The following SFMBT1 variants were observed in gnomAD, a reference collection of about 807,000 sequenced individuals.
The protein encoded by SFMBT1 is Scm like with four mbt domains 1.
Under a neutral mutation model 108.7 loss-of-function variants are expected in SFMBT1, and 32 were observed. The observed-to-expected ratio is 0.29, with a 90% confidence interval of 0.22 to 0.40. The LOEUF (loss-of-function observed/expected upper bound fraction) is 0.40, where lower values mean the gene tolerates loss of function less well. Ranked by LOEUF, SFMBT1 falls within the 10% of genes least tolerant of loss-of-function variation. SFMBT1 has a pLI of 1.00. For synonymous variants in SFMBT1, 348 were observed against 369.5 expected (o/e 0.94, Z 0.67); for missense variants, 816 against 1,059.6 (o/e 0.77, Z 3.19).
rs10668462 is a variant in SFMBT1 at position 53,030,683 on chromosome 3, CA to C, written c.-131+15132del. The stretch of plus-strand genomic sequence containing the variant: ...CAGTAACTTTCAACTGGCCATAATG[CA>C]AAAAAAAAAAAAAAAAAAAAAATCT... On this transcript the variant is annotated intron_variant, in intron 1 of 20. Coordinates refer to ENST00000394752, the MANE Select transcript of SFMBT1 (RefSeq NM_016329.4). Among the ~76,000 whole-genome samples, 287 of 82,750 alleles carry C rather than the reference CA, an allele frequency of 3.5e-3. 1 individual carries two copies. The highest frequency in any genetic ancestry group is 0.022 in the East Asian group (52 of 2,372). The allele number at this position is 82,750 out of a possible 152,430, so 54.3% of individuals were successfully genotyped here. A position where few individuals can be genotyped will look rare whatever the true frequency, so the allele number is the denominator to read the frequency against.
At chr3:53,036,953 G>A (rs1699887546) in intron 1 of SFMBT1, among the ~76,000 whole-genome samples, 1 of 152,160 alleles carries the variant, frequency 6.6e-6, no homozygotes, top group Admixed American at 6.5e-5. Flanking sequence ...ATGGGGCTGG[G>A]ACTCTGGGAG....
At chr3:52,914,646 A>C (rs973100072) in intron 14 of SFMBT1, among the ~76,000 whole-genome samples, 1 of 152,196 alleles carries the variant, frequency 6.6e-6, no homozygotes, top group Non-Finnish European at 1.5e-5. Flanking sequence ...CGGGAGGCTG[A>C]TGTAGGAGGA....
chr3:52,918,517 T>C lies in SFMBT1; in HGVS notation c.1382A>G (p.Gln461Arg). Residue 461 changes from glutamine to arginine, a missense_variant, in exon 13 of 21, where the codon CAG (glutamine) becomes CGG (arginine). Coordinates refer to ENST00000394752, the MANE Select transcript of SFMBT1 (RefSeq NM_016329.4). ...TGGCTGAACCACTGCAATTTTCCTC[T>C]GTTTATATACTGTAGAAAGAAAAAA... ...STPRRARVYK[Q>R]RKIAVVQPEK... is the part of the protein sequence containing the mutation. 1 of 1,561,910 alleles carries C rather than the reference T, an allele frequency of 6.4e-7. No homozygotes were observed. Among genetic ancestry groups the C allele is most frequent in the South Asian group, 1.2e-5 (1 of 81,656 alleles).
At position 53,001,184 on chromosome 3, in the gene SFMBT1, G is replaced by A. The variant is rs1341856483; in HGVS notation, c.-130-31926C>T. Reference sequence around the variant, plus strand: ...TAATAATATCAACATGGGAGGGAAGGTTCTACACTACATAAACAAGTACAC... The same window carrying A: ...TAATAATATCAACATGGGAGGGAAGATTCTACACTACATAAACAAGTACAC... On this transcript the variant is annotated intron_variant, in intron 1 of 20. Coordinates refer to ENST00000394752, the MANE Select transcript of SFMBT1 (RefSeq NM_016329.4). Among the ~76,000 whole-genome samples the A allele has an allele frequency of 1.3e-5, 2 of 150,226 alleles. 1 individual carries two copies. The highest frequency in any genetic ancestry group is 3.0e-5 in the Non-Finnish European group (2 of 67,036).
intron 1 of SFMBT1, among the ~76,000 whole-genome samples, chr3:52,984,809 A>T (rs2106884512): frequency 6.7e-6 from 1 of 150,368 alleles, no homozygotes; most frequent in East Asian, 2.0e-4. Flanking sequence ...ATGAGTTTGG[A>T]AATATCAGGC....
Position 52,924,506 on chromosome 3 carries a change from G to T in SFMBT1, c.1131+1525C>A, listed in dbSNP as rs1348215173. Among the ~76,000 whole-genome samples, 4 of 152,094 alleles carry T rather than the reference G, an allele frequency of 2.6e-5. No homozygotes were observed. In the East Asian group the frequency reaches 5.8e-4, roughly 22 times the overall value. ...AAAATACAAAAATTAGCCAGGCATG[G>T]TGGCGGGCGCCTATAATTCCAGCTA... On this transcript the variant is annotated intron_variant, in intron 10 of 20. Transcript: ENST00000394752.
rs59842273 is a variant in SFMBT1 at position 52,949,568 on chromosome 3, CTTTTTTTT to C, written c.123+4741_123+4748del. Reference sequence around the variant, plus strand: ...CCCTTTATTATTATGTAATGTCCTTCTTTTTTTTTTTTTTTTTTTTTTTTTTTGAGACC... The same window carrying C: ...CCCTTTATTATTATGTAATGTCCTTCTTTTTTTTTTTTTTTTTTTGAGACC... On this transcript the variant is annotated intron_variant, in intron 3 of 20. Transcript: ENST00000394752. Among the ~76,000 whole-genome samples, 211 of 77,422 alleles carry C rather than the reference CTTTTTTTT, an allele frequency of 2.7e-3. 1 individual carries two copies. The highest frequency in any genetic ancestry group is 0.011 in the African/African-American group (186 of 17,562). The allele number at this position is 77,422 out of a possible 152,430, so 50.8% of individuals were successfully genotyped here.
At chr3:53,045,410 G>T (rs1385891847) in intron 1 of SFMBT1, 1 of 142,966 alleles carries the variant, frequency 7.0e-6, no homozygotes, top group African/African-American at 2.5e-5. Context: ...GGCCCGGCGC[G>T]CCGGGGAACT....
At chr3:52,978,432 C>T (rs1018539729) in intron 1 of SFMBT1, among the ~76,000 whole-genome samples, 7 of 152,028 alleles carry the variant, frequency 4.6e-5, no homozygotes, top group Admixed American at 2.6e-4. Flanking sequence ...CTGTGAGTAC[C>T]CCCCACCTAC....
At chr3:53,026,867 C>G (rs1179213744) in intron 1 of SFMBT1, among the ~76,000 whole-genome samples, 3 of 152,132 alleles carry the variant, frequency 2.0e-5, no homozygotes, top group African/African-American at 7.2e-5. Flanking sequence ...ATGGTGCAAT[C>G]ACGGCTTACT....
At chr3:52,986,705 G>A (rs1704927969) in intron 1 of SFMBT1, among the ~76,000 whole-genome samples, 1 of 151,402 alleles carries the variant, frequency 6.6e-6, no homozygotes, top group African/African-American at 2.4e-5. Flanking sequence ...TAACCTGGGA[G>A]GTGGAGGTTG....
At chr3:53,025,281 A>G (rs1262988048) in intron 1 of SFMBT1, among the ~76,000 whole-genome samples, 1 of 152,204 alleles carries the variant, frequency 6.6e-6, no homozygotes, top group East Asian at 1.9e-4. Context: ...AAGCCCAGAT[A>G]TATAAATGAA....
At chr3:52,920,262 T>C (rs1042227640) in intron 12 of SFMBT1, among the ~76,000 whole-genome samples, 8 of 152,336 alleles carry the variant, frequency 5.3e-5, no homozygotes, top group Middle Eastern at 3.4e-3. Flanking sequence ...CCTCCCCACG[T>C]TGAGCCTTGA....
At chr3:52,956,448 G>A (rs951978639) in intron 2 of SFMBT1, among the ~76,000 whole-genome samples, 1 of 151,182 alleles carries the variant, frequency 6.6e-6, no homozygotes, top group African/African-American at 2.4e-5. Context: ...GATGGAGCGA[G>A]GCACTGTCTC....
intron 3 of SFMBT1, among the ~76,000 whole-genome samples, chr3:52,950,769 C>T (rs576757160): frequency 2.0e-5 from 3 of 152,104 alleles, no homozygotes; most frequent in African/African-American, 4.8e-5. Context: ...CCACCGTGCC[C>T]GGCTGCTGTC....
At chr3:52,999,104 G>T (rs1324055925) in intron 1 of SFMBT1, among the ~76,000 whole-genome samples, 2 of 150,868 alleles carry the variant, frequency 1.3e-5, no homozygotes, top group Non-Finnish European at 3.0e-5. Context: ...GCCGGCGTCT[G>T]CTGATCAAGG....
intron 14 of SFMBT1, among the ~76,000 whole-genome samples, chr3:52,914,183 G>A (rs993358282): frequency 1.3e-5 from 2 of 152,094 alleles, no homozygotes; most frequent in African/African-American, 4.8e-5. Flanking sequence ...ACTGGGTCTG[G>A]AGACCCTTTT....
chr3:52,943,615 A>G, intron 3 of SFMBT1, 22 bp from the exon 4 acceptor site: 5 of 1,614,246 alleles, frequency 3.1e-6, no homozygotes, highest in Non-Finnish European at 4.2e-6. Flanking sequence ...AATGTTATTA[A>G]GCACCAGACA....
intron 4 of SFMBT1, among the ~76,000 whole-genome samples, chr3:52,939,947 A>T (rs1703130938): frequency 1.3e-5 from 2 of 150,832 alleles, no homozygotes; most frequent in East Asian, 1.9e-4. Context: ...TTTATTTATA[A>T]TTTTTTTCAC....
Sources: gnomAD v4.1 joint callset for allele counts (sites outside exome capture counted in the v4.1 genomes callset) on GRCh38, gnomAD v4.1.1 for gene constraint, MANE v1.5 for transcripts, NCBI Gene and HGNC (gene_info 2026-07-23, HGNC 2026-07-21) for gene names.